The following TEAD2 variants were observed in gnomAD, a reference collection of about 807,000 sequenced individuals.
The protein encoded by TEAD2 is transcriptional enhancer factor TEF-4.
In TEAD2, 51 loss-of-function variants were observed where a neutral mutation model predicts 61.4. The ratio of observed to expected loss-of-function variants is 0.83; its 90% CI spans 0.66 to 1.05. The LOEUF is 1.05. TEAD2 is among the 50% of genes least tolerant of loss of function. The pLI is 0.00. For synonymous variants in TEAD2, 244 were observed against 243.2 expected (o/e 1.00, Z -0.03); for missense variants, 509 against 600.0 (o/e 0.85, Z 1.58).
chr19:49,343,514 C>A, intron 10 of TEAD2, 116 bp from the exon 11 acceptor site: 1 of 1,209,072 alleles, frequency 8.3e-7, no homozygotes, highest in South Asian at 1.7e-5. Flanking sequence ...CCGAGGCGGG[C>A]GGATCACCTG....
intron 8 of TEAD2, 120 bp from the exon 9 acceptor site, chr19:49,348,965 C>A: frequency 7.4e-6 from 10 of 1,346,784 alleles, no homozygotes; most frequent in Non-Finnish European, 9.7e-6. Context: ...ACTTTCCCAG[C>A]CTCCCTTGCA....
chr19:49,345,193 A>G (rs554102572), intron 10 of TEAD2, among the ~76,000 whole-genome samples: 99 of 152,254 alleles, frequency 6.5e-4, no homozygotes, highest in South Asian at 1.9e-3. Flanking sequence ...TCTGCTTCAC[A>G]TGGCAGAAAG....
chr19:49,357,509 C>T (rs546452394), intron 3 of TEAD2, 195 bp from the exon 4 acceptor site: 11 of 624,408 alleles, frequency 1.8e-5, no homozygotes, highest in Admixed American at 1.0e-4. Flanking sequence ...CGGACCCTCC[C>T]GGGACCCATC....
Sources: gnomAD v4.1 joint callset for allele counts (sites outside exome capture counted in the v4.1 genomes callset) on GRCh38, gnomAD v4.1.1 for gene constraint, MANE v1.5 for transcripts, NCBI Gene and HGNC (gene_info 2026-07-23, HGNC 2026-07-21) for gene names.